LDLRAD3: variants seen among roughly 807,000 people sequenced by gnomAD.
LDLRAD3 encodes the protein low density lipoprotein receptor class A domain containing 3.
LDLRAD3 carries 20 observed loss-of-function variants against 29.4 expected under a neutral mutation model. The observed-to-expected ratio is 0.68, with a 90% confidence interval of 0.48 to 0.99. The LOEUF (loss-of-function observed/expected upper bound fraction) is 0.99, where lower values mean the gene tolerates loss of function less well. LDLRAD3 is among the 50% of genes least tolerant of loss of function. The pLI is 0.00. For missense variants in LDLRAD3, 420 were observed against 454.3 expected, an observed-to-expected ratio of 0.92 and a Z score of 0.69; for synonymous variants, 157 against 192.7, an observed-to-expected ratio of 0.81 and a Z score of 1.53.
At chr11:35,954,304 A>C (rs1055040815) in intron 1 of LDLRAD3, among the ~76,000 whole-genome samples, 1 of 152,234 alleles carries the variant, frequency 6.6e-6, no homozygotes, top group Non-Finnish European at 1.5e-5. Context: ...GGGCAACGTC[A>C]ACATCTTTTA....
rs374990316 is a variant in LDLRAD3 at position 36,098,273 on chromosome 11, C to T, written c.320-54C>T. 15 of 1,606,646 alleles carry T rather than the reference C, an allele frequency of 9.3e-6. No homozygotes were observed. The Admixed American group carries it at 1.5e-4, about 16-fold the overall frequency. On this transcript the variant is annotated intron_variant, in intron 3 of 5. Coordinates refer to ENST00000315571, the MANE Select transcript of LDLRAD3 (RefSeq NM_174902.4). Reference sequence around the variant, plus strand: ...GCCAGGCTGGAAGAAGTTCCAGGGTCCCCAAGGGAACTTGCTGGCCTCCCT... The same window carrying T: ...GCCAGGCTGGAAGAAGTTCCAGGGTTCCCAAGGGAACTTGCTGGCCTCCCT...
intron 3 of LDLRAD3, among the ~76,000 whole-genome samples, chr11:36,090,232 A>C (rs150173251): frequency 2.3e-3 from 356 of 152,032 alleles, no homozygotes; most frequent in African/African-American, 7.9e-3. Context: ...TTTTATACTC[A>C]GTGAGAAGCA....
intron 1 of LDLRAD3, among the ~76,000 whole-genome samples, chr11:36,004,079 C>T (rs185429476): frequency 2.6e-5 from 4 of 152,220 alleles, no homozygotes; most frequent in South Asian, 4.2e-4. Context: ...TTATTGCACC[C>T]GTGACCCCTC....
Position 36,006,938 on chromosome 11 carries a change from T to C in LDLRAD3, c.47-29165T>C, listed in dbSNP as rs140117333. On this transcript the variant is annotated intron_variant, in intron 1 of 5. Coordinates refer to ENST00000315571, the MANE Select transcript of LDLRAD3 (RefSeq NM_174902.4). ...CAAGAGGGAGGAAATGGCTGCTCCA[T>C]TGCCACCATCCTGCTCAAGGTTCAG... 2.5e-3 allele frequency among the ~76,000 whole-genome samples: 381 copies of C among 152,298 alleles called. 2 individuals carry two copies. Among genetic ancestry groups the C allele is most frequent in the African/African-American group, 8.0e-3 (334 of 41,564 alleles).
chr11:35,964,543 T>G (rs1400072074), intron 1 of LDLRAD3, among the ~76,000 whole-genome samples: 1 of 152,188 alleles, frequency 6.6e-6, no homozygotes, highest in African/African-American at 2.4e-5. Flanking sequence ...AGCCTGGAGT[T>G]AGCCTCTACT....
chr11:36,189,831 TG>T (rs1409277552), intron 4 of LDLRAD3, among the ~76,000 whole-genome samples: 2 of 152,190 alleles, frequency 1.3e-5, no homozygotes, highest in Admixed American at 6.5e-5. Context: ...ATGTGGTGTT[TG>T]GTTTTTTGTT....
chr11:36,077,640 G>C (rs760086369), intron 2 of LDLRAD3, among the ~76,000 whole-genome samples: 1 of 152,216 alleles, frequency 6.6e-6, no homozygotes, highest in African/African-American at 2.4e-5. Context: ...GGTGGACCAG[G>C]CATACCTTAA....
At chr11:36,078,339 A>G (rs1590248804) in intron 2 of LDLRAD3, among the ~76,000 whole-genome samples, 1 of 152,232 alleles carries the variant, frequency 6.6e-6, no homozygotes, top group South Asian at 2.1e-4. Flanking sequence ...GTTTGTACCA[A>G]CGGGCACCTG....
chr11:36,021,667 G>T (rs1190836194), intron 1 of LDLRAD3, among the ~76,000 whole-genome samples: 2 of 152,026 alleles, frequency 1.3e-5, no homozygotes, highest in African/African-American at 4.8e-5. Flanking sequence ...TTTTAGAGGG[G>T]GTCTGGCTCT....
chr11:36,022,916 T>C (rs1394735901), intron 1 of LDLRAD3, among the ~76,000 whole-genome samples: 1 of 152,170 alleles, frequency 6.6e-6, no homozygotes, highest in Non-Finnish European at 1.5e-5. Flanking sequence ...ACATGCATAC[T>C]AAAGTGGGGA....
intron 4 of LDLRAD3, among the ~76,000 whole-genome samples, chr11:36,176,085 T>C (rs1854671527): frequency 6.6e-6 from 1 of 152,218 alleles, no homozygotes; most frequent in Non-Finnish European, 1.5e-5. Context: ...TTAACTATTG[T>C]TGCTTTAAAG....
chr11:36,216,664 C>T (rs1157926424), intron 4 of LDLRAD3, among the ~76,000 whole-genome samples: 5 of 152,168 alleles, frequency 3.3e-5, no homozygotes, highest in African/African-American at 1.2e-4. Flanking sequence ...AGTTTGATCT[C>T]TGTACCTTCC....
At chr11:36,125,475 G>A (rs1345593009) in intron 4 of LDLRAD3, among the ~76,000 whole-genome samples, 1 of 152,208 alleles carries the variant, frequency 6.6e-6, no homozygotes, top group Non-Finnish European at 1.5e-5. Flanking sequence ...ATGTTTCACT[G>A]CTGTTAGTCA....
intron 1 of LDLRAD3, among the ~76,000 whole-genome samples, chr11:36,032,027 C>T (rs1441911599): frequency 2.0e-5 from 3 of 152,144 alleles, no homozygotes; most frequent in African/African-American, 4.8e-5. Context: ...TTCCCTGTGT[C>T]CTCACATGGT....
Position 36,231,493 on chromosome 11 carries a change from C to A in LDLRAD3, c.*2096C>A, listed in dbSNP as rs1855575259. 6.6e-6 allele frequency: 1 copy of A among 152,116 alleles called. No homozygotes were observed. The highest frequency in any genetic ancestry group is 2.4e-5 in the African/African-American group (1 of 41,424). 9.4% of individuals were successfully genotyped at this position (152,116 alleles called of 1,614,324 possible). The stretch of plus-strand genomic sequence containing the variant: ...GGCTTTATTTCTCCCTTTGATGGGG[C>A]CCCTTCTTCTTTCTGGTGCTCTGGA... On this transcript the variant is annotated 3_prime_UTR_variant, in exon 6 of 6. Coordinates refer to ENST00000315571, the MANE Select transcript of LDLRAD3 (RefSeq NM_174902.4).
At chr11:36,042,027 G>A (rs1852389231) in intron 2 of LDLRAD3, among the ~76,000 whole-genome samples, 1 of 152,162 alleles carries the variant, frequency 6.6e-6, no homozygotes, top group Non-Finnish European at 1.5e-5. Context: ...TCTTGAACAT[G>A]TGTTATTATT....
intron 2 of LDLRAD3, among the ~76,000 whole-genome samples, chr11:36,045,096 C>A (rs1219709012): frequency 6.6e-6 from 1 of 152,204 alleles, no homozygotes; most frequent in East Asian, 1.9e-4. Context: ...CAGATGTGCT[C>A]TTTGTGCCTT....
intron 4 of LDLRAD3, among the ~76,000 whole-genome samples, chr11:36,150,302 A>C (rs1438553926): frequency 6.6e-6 from 1 of 152,198 alleles, no homozygotes. Context: ...CTGAGGCAGC[A>C]GGATCACTTG....
intron 2 of LDLRAD3, among the ~76,000 whole-genome samples, chr11:36,065,250 C>G (rs1348355183): frequency 6.6e-6 from 1 of 152,148 alleles, no homozygotes; most frequent in Non-Finnish European, 1.5e-5. Flanking sequence ...GCTATTTTAT[C>G]ATAAAAGTTC....
Sources: allele counts gnomAD v4.1 joint callset (sites outside exome capture counted in the v4.1 genomes callset), GRCh38; gene constraint gnomAD v4.1.1; transcripts MANE v1.5; gene names NCBI Gene and HGNC (gene_info 2026-07-23, HGNC 2026-07-21).